Variants in EPHA6 observed in about 807,000 individuals in gnomAD.
EPHA6 encodes ephrin type-A receptor 6.
EPHA6 carries 50 observed loss-of-function variants against 112.0 expected under a neutral mutation model. The observed-to-expected ratio is 0.45, with a 90% confidence interval of 0.36 to 0.56. The LOEUF is 0.56. EPHA6 is among the 20% of genes least tolerant of loss of function. The pLI, the probability that EPHA6 is intolerant of heterozygous loss-of-function variation, is 0.00. For missense variants in EPHA6, 1,280 were observed against 1,417.4 expected (o/e 0.90, Z 1.56); for synonymous variants, 529 against 490.7 (o/e 1.08, Z -1.03).
rs1379972950 is a variant in EPHA6, at chr3:97,568,799, T to C, written c.2387-23813T>C. ...TATGAATGTAGGTATAGGGACCAGTTCCACAGGGGTCTTGCAGTGGGGGAG... is the reference window on the plus strand; with the variant it reads ...TATGAATGTAGGTATAGGGACCAGTCCCACAGGGGTCTTGCAGTGGGGGAG... On this transcript the variant is annotated intron_variant, in intron 11 of 17. Transcript: ENST00000389672. Among the ~76,000 whole-genome samples the C allele has an allele frequency of 3.3e-5, 5 of 152,278 alleles. No homozygotes were observed. In the East Asian group the frequency reaches 9.7e-4, roughly 29 times the overall value.
At chr3:97,523,244 C>T (rs1038641843) in intron 10 of EPHA6, among the ~76,000 whole-genome samples, 19 of 151,930 alleles carry the variant, frequency 1.3e-4, no homozygotes, top group African/African-American at 3.6e-4. Context: ...TTCATTTGTC[C>T]GAGGATATTT....
chr3:97,313,054 C>G (rs2081635377), intron 5 of EPHA6, among the ~76,000 whole-genome samples: 1 of 151,478 alleles, frequency 6.6e-6, no homozygotes, highest in African/African-American at 2.4e-5. Flanking sequence ...ATCAACATCT[C>G]TTACTTCCCT....
chr3:96,914,392 A>G (rs1166124441), intron 2 of EPHA6, among the ~76,000 whole-genome samples: 1 of 152,186 alleles, frequency 6.6e-6, no homozygotes, highest in Non-Finnish European at 1.5e-5. Flanking sequence ...AGTAAATATT[A>G]TCATTGTTAA....
chr3:97,247,943 T>C (rs1172855118), intron 5 of EPHA6, among the ~76,000 whole-genome samples: 1 of 152,006 alleles, frequency 6.6e-6, no homozygotes, highest in Non-Finnish European at 1.5e-5. Flanking sequence ...AACATGAAGA[T>C]CGATATGAAA....
At chr3:97,009,325 T>G (rs1484050593) in intron 3 of EPHA6, among the ~76,000 whole-genome samples, 4 of 152,290 alleles carry the variant, frequency 2.6e-5, no homozygotes, top group Admixed American at 1.3e-4. Context: ...CTGGAGATCC[T>G]GCAGGGAAGT....
At chr3:97,395,107 C>G (rs533916977) in intron 5 of EPHA6, among the ~76,000 whole-genome samples, 1 of 151,470 alleles carries the variant, frequency 6.6e-6, no homozygotes, top group South Asian at 2.1e-4. Context: ...GTTTAACATA[C>G]TACAATGTTA....
chr3:96,910,742 C>T (rs1018022078), intron 2 of EPHA6, among the ~76,000 whole-genome samples: 2 of 151,960 alleles, frequency 1.3e-5, no homozygotes, highest in East Asian at 3.9e-4. Flanking sequence ...CTCAACCTGT[C>T]CAAAATAGTC....
chr3:97,073,789 G>T (rs575323629), intron 3 of EPHA6, among the ~76,000 whole-genome samples: 24 of 151,668 alleles, frequency 1.6e-4, no homozygotes, highest in Non-Finnish European at 3.2e-4. Context: ...TATTTATAGC[G>T]CATTTATATT....
At chr3:97,167,258 T>C (rs1486212183) in intron 3 of EPHA6, among the ~76,000 whole-genome samples, 1 of 152,172 alleles carries the variant, frequency 6.6e-6, no homozygotes, top group Admixed American at 6.6e-5. Flanking sequence ...TTAATACTTC[T>C]GAGGATCATT....
At chr3:97,446,401 G>T in intron 6 of EPHA6, among the ~76,000 whole-genome samples, 1 of 152,130 alleles carries the variant, frequency 6.6e-6, no homozygotes, top group East Asian at 1.9e-4. Flanking sequence ...AATACTAAAA[G>T]CTGCCTGCAA....
intron 11 of EPHA6, among the ~76,000 whole-genome samples, chr3:97,556,931 C>A (rs1474882157): frequency 6.6e-6 from 1 of 151,944 alleles, no homozygotes; most frequent in Non-Finnish European, 1.5e-5. Flanking sequence ...TCTGCTAAAA[C>A]TGTGTTATTT....
chr3:97,638,290 G>C (rs568371050), intron 14 of EPHA6, among the ~76,000 whole-genome samples: 5 of 152,072 alleles, frequency 3.3e-5, no homozygotes, highest in African/African-American at 1.2e-4. Flanking sequence ...TTTCATACCT[G>C]ACTGTTTTCT....
At chr3:96,873,484 A>G (rs1014802905) in intron 2 of EPHA6, among the ~76,000 whole-genome samples, 10 of 152,076 alleles carry the variant, frequency 6.6e-5, no homozygotes, top group Admixed American at 6.6e-4. Context: ...GGGTTGCAAC[A>G]TTTGCTTAAA....
intron 6 of EPHA6, among the ~76,000 whole-genome samples, chr3:97,426,838 C>T (rs1289011226): frequency 6.6e-6 from 1 of 152,084 alleles, no homozygotes; most frequent in Non-Finnish European, 1.5e-5. Context: ...GGAACTTACA[C>T]AAATTAACAG....
At chr3:97,062,388 A>G (rs770998164) in intron 3 of EPHA6, among the ~76,000 whole-genome samples, 1 of 152,224 alleles carries the variant, frequency 6.6e-6, no homozygotes, top group Admixed American at 6.5e-5. Context: ...AGGCTGAGAT[A>G]GGGTTCCCGA....
At chr3:96,936,777 A>C (rs532740668) in intron 2 of EPHA6, among the ~76,000 whole-genome samples, 1 of 152,274 alleles carries the variant, frequency 6.6e-6, no homozygotes, top group Admixed American at 6.5e-5. Flanking sequence ...ACCCCACAAC[A>C]GTCCCTGGAG....
At chr3:97,404,597 T>C (rs2087213384) in intron 5 of EPHA6, among the ~76,000 whole-genome samples, 1 of 152,306 alleles carries the variant, frequency 6.6e-6, no homozygotes, top group Admixed American at 6.5e-5. Context: ...AAATAACTTC[T>C]AAAGTTAAAT....
intron 10 of EPHA6, among the ~76,000 whole-genome samples, chr3:97,510,927 C>G (rs1045343992): frequency 6.6e-6 from 1 of 152,260 alleles, no homozygotes; most frequent in African/African-American, 2.4e-5. Flanking sequence ...GCTACAGCAG[C>G]TTTGCGGAGT....
intron 13 of EPHA6, among the ~76,000 whole-genome samples, chr3:97,634,268 G>A (rs1258758343): frequency 6.6e-6 from 1 of 151,984 alleles, no homozygotes; most frequent in East Asian, 1.9e-4. Context: ...CTTAGTCTGG[G>A]ACTGGCTTAT....
Sources: gnomAD v4.1 joint callset for allele counts (sites outside exome capture counted in the v4.1 genomes callset) on GRCh38, gnomAD v4.1.1 for gene constraint, MANE v1.5 for transcripts, NCBI Gene and HGNC (gene_info 2026-07-23, HGNC 2026-07-21) for gene names.